Variants in RNF38 observed in about 807,000 individuals in gnomAD.
RNF38 encodes ring finger protein 38, also known as E3 ubiquitin-protein ligase RNF38.
In RNF38, 15 loss-of-function variants were observed where a neutral mutation model predicts 67.2. That is an observed-to-expected ratio of 0.22 (90% CI 0.15 to 0.34). The LOEUF is 0.34. Among genes scored for constraint, RNF38 ranks in the 10% least tolerant of loss-of-function variants. The pLI is 1.00. For synonymous variants in RNF38, 220 were observed against 218.8 expected (o/e 1.01, Z -0.05); for missense variants, 524 against 639.9 (o/e 0.82, Z 1.95).
At chr9:36,445,492 G>A (rs534283834) in intron 1 of RNF38, among the ~76,000 whole-genome samples, 4 of 152,268 alleles carry the variant, frequency 2.6e-5, no homozygotes, top group East Asian at 3.9e-4. Flanking sequence ...CACAATTTGA[G>A]TTTGGATAAC....
chr9:36,418,377 G>C (rs1320605450), intron 2 of RNF38, among the ~76,000 whole-genome samples: 1 of 152,056 alleles, frequency 6.6e-6, no homozygotes, highest in Non-Finnish European at 1.5e-5. Context: ...AAGAGGCCAG[G>C]CATGATGATT....
chr9:36,444,920 T>TC (rs1426672215), intron 1 of RNF38, among the ~76,000 whole-genome samples: 4 of 3,128 alleles, frequency 1.3e-3, no homozygotes, highest in Non-Finnish European at 6.6e-3. Flanking sequence ...AGCCATTCTC[T>TC]TTTTTTTTTT....
intron 2 of RNF38, among the ~76,000 whole-genome samples, chr9:36,419,513 T>C (rs1218186849): frequency 6.6e-6 from 1 of 152,242 alleles, no homozygotes; most frequent in Non-Finnish European, 1.5e-5. Flanking sequence ...AGGCTACAAG[T>C]TAATTCACCT....
In RNF38 at chr9:36,400,209, G is replaced by A. The variant is rs1462041837; in HGVS notation, c.-101C>T. 3.3e-6 allele frequency: 5 copies of A among 1,521,110 alleles called. No homozygotes were observed. The Admixed American group carries it at 1.1e-4, about 34-fold the overall frequency. 94.2% of individuals were successfully genotyped at this position (1,521,110 alleles called of 1,614,324 possible). ...TCTCACGCTTCAACCCTGAAAGGAA[G>A]AACTTGCATCCCCTGAGAACAAAAC... On this transcript the variant is annotated 5_prime_UTR_variant, in exon 1 of 12. Coordinates refer to ENST00000259605, the MANE Select transcript of RNF38 (RefSeq NM_022781.5).
At chr9:36,453,023 G>A (rs902285751) in intron 1 of RNF38, among the ~76,000 whole-genome samples, 3 of 152,094 alleles carry the variant, frequency 2.0e-5, no homozygotes, top group Non-Finnish European at 2.9e-5. Flanking sequence ...TCTAGGAGTG[G>A]AACTGCTGGG....
intron 1 of RNF38, among the ~76,000 whole-genome samples, chr9:36,398,426 A>C (rs542555805): frequency 6.6e-6 from 1 of 152,140 alleles, no homozygotes; most frequent in Non-Finnish European, 1.5e-5. Flanking sequence ...TTAAAAAAAA[A>C]TTTTTTTAAT....
At chr9:36,469,085 C>G (rs1379939677) in intron 1 of RNF38, among the ~76,000 whole-genome samples, 1 of 152,116 alleles carries the variant, frequency 6.6e-6, no homozygotes, top group Non-Finnish European at 1.5e-5. Context: ...GGACTCTGGC[C>G]TGGGCGACAG....
At chr9:36,428,094 G>A (rs1838834406) in intron 1 of RNF38, among the ~76,000 whole-genome samples, 1 of 151,798 alleles carries the variant, frequency 6.6e-6, no homozygotes, top group Admixed American at 6.6e-5. Context: ...ACAGCAGCCT[G>A]AAGAGACTAA....
intron 1 of RNF38, among the ~76,000 whole-genome samples, chr9:36,463,533 C>A (rs1643926621): frequency 6.6e-6 from 1 of 151,846 alleles, no homozygotes; most frequent in African/African-American, 2.4e-5. Flanking sequence ...CATTTCCATT[C>A]AATTTTCAAT....
intron 5 of RNF38, among the ~76,000 whole-genome samples, chr9:36,356,981 T>C (rs186732315): frequency 2.0e-5 from 3 of 152,314 alleles, no homozygotes; most frequent in African/African-American, 7.2e-5. Flanking sequence ...TAAGCCTGAG[T>C]AAATTAATCT....
rs1276172699 is a variant in RNF38 at position 36,338,319 on chromosome 9, A to G, written c.*1433T>C. 1 of 152,242 alleles carries G rather than the reference A, an allele frequency of 6.6e-6. No individual in the cohort carries two copies. Among genetic ancestry groups the G allele is most frequent in the Non-Finnish European group, 1.5e-5 (1 of 68,034 alleles). 9.4% of individuals were successfully genotyped at this position (152,242 alleles called of 1,614,324 possible). A position where few individuals can be genotyped will look rare whatever the true frequency, so the allele number is the denominator to read the frequency against. ...TCCTGTTTAACAGCATTATTTTTTT[A>G]TACAAAAACCAAATCTTCATTTATA... On this transcript the variant is annotated 3_prime_UTR_variant, in exon 12 of 12. Coordinates refer to ENST00000259605, the MANE Select transcript of RNF38 (RefSeq NM_022781.5).
chr9:36,429,054 A>G (rs913780772), intron 1 of RNF38, among the ~76,000 whole-genome samples: 4 of 152,186 alleles, frequency 2.6e-5, no homozygotes, highest in African/African-American at 9.7e-5. Flanking sequence ...TAAATAACAC[A>G]AGGTCCCTGC....
At chr9:36,458,737 C>T (rs772652284) in intron 1 of RNF38, among the ~76,000 whole-genome samples, 15 of 152,168 alleles carry the variant, frequency 9.9e-5, no homozygotes, top group Non-Finnish European at 1.9e-4. Context: ...CGAGGGTCCG[C>T]GGCTTCATTC....
intron 1 of RNF38, among the ~76,000 whole-genome samples, chr9:36,395,012 C>A (rs986812302): frequency 6.6e-6 from 1 of 152,200 alleles, no homozygotes; most frequent in African/African-American, 2.4e-5. Flanking sequence ...ACTCCCAAAA[C>A]TTATCATGTT....
chr9:36,486,799 G>A (rs1219856361), intron 1 of RNF38, among the ~76,000 whole-genome samples: 1 of 151,982 alleles, frequency 6.6e-6, no homozygotes, highest in Non-Finnish European at 1.5e-5. Context: ...GTCCCACCCC[G>A]TAAGAGATCA....
chr9:36,381,071 G>C (rs1325142301), intron 2 of RNF38, among the ~76,000 whole-genome samples: 1 of 152,202 alleles, frequency 6.6e-6, no homozygotes, highest in Non-Finnish European at 1.5e-5. Context: ...TCGAGTGGAA[G>C]TGGGTTTCTC....
chr9:36,382,188 T>A (rs1486675403), intron 2 of RNF38, among the ~76,000 whole-genome samples: 1 of 152,204 alleles, frequency 6.6e-6, no homozygotes, highest in Non-Finnish European at 1.5e-5. Context: ...TTAAAATTCA[T>A]AAGATGTTGA....
upstream of RNF38, among the ~76,000 whole-genome samples, chr9:36,404,899 C>T (rs975435459): frequency 5.6e-5 from 8 of 143,434 alleles, no homozygotes; most frequent in Admixed American, 2.1e-4. Flanking sequence ...CATTTAAGTA[C>T]GGTGTTTGTA....
chr9:36,455,717 G>A (rs1023634664), intron 1 of RNF38, among the ~76,000 whole-genome samples: 8 of 146,360 alleles, frequency 5.5e-5, no homozygotes, highest in Non-Finnish European at 1.0e-4. Flanking sequence ...GCAGTGAGCC[G>A]AGACAAGACC....
Sources: allele counts gnomAD v4.1 joint callset (sites outside exome capture counted in the v4.1 genomes callset), GRCh38; gene constraint gnomAD v4.1.1; transcripts MANE v1.5; gene names NCBI Gene and HGNC (gene_info 2026-07-23, HGNC 2026-07-21).